Variants in TARBP1 observed in about 807,000 individuals in gnomAD.
TARBP1 encodes tRNA guanosine 2 -O-methyltransferase TARBP1.
In TARBP1, 144 loss-of-function variants were observed where a neutral mutation model predicts 178.6. The ratio of observed to expected loss-of-function variants is 0.81; its 90% confidence interval spans 0.70 to 0.93. The LOEUF is 0.93. TARBP1 is among the 40% of genes least tolerant of loss of function. The probability of loss-of-function intolerance (pLI) is 0.00; values close to 1 mark genes in which losing one functional copy is unlikely to be tolerated. For missense variants in TARBP1, 2,067 were observed against 2,011.7 expected (o/e 1.03, Z -0.53); for synonymous variants, 787 against 781.0 (o/e 1.01, Z -0.13).
intron 13 of TARBP1, among the ~76,000 whole-genome samples, chr1:234,434,929 AG>A (rs1558203140): frequency 6.6e-6 from 1 of 152,314 alleles, no homozygotes; most frequent in African/African-American, 2.4e-5. Context: ...CAGTGTTTCA[AG>A]GGGGAGGTGG....
At chr1:234,449,577 C>T (rs528459129) in intron 10 of TARBP1, among the ~76,000 whole-genome samples, 1 of 152,214 alleles carries the variant, frequency 6.6e-6, no homozygotes, top group East Asian at 1.9e-4. Flanking sequence ...TCCAATGTAA[C>T]AGCATAAGAC....
chr1:234,416,720 C>A (rs1662463149), intron 22 of TARBP1, among the ~76,000 whole-genome samples: 1 of 152,134 alleles, frequency 6.6e-6, no homozygotes, highest in Admixed American at 6.5e-5. Context: ...CTTATGGTGA[C>A]ACCCAGGTTT....
chr1:234,398,347 C>T (rs1476602376), intron 26 of TARBP1, 35 bp downstream of exon 26: 2 of 1,536,086 alleles, frequency 1.3e-6, no homozygotes, highest in Non-Finnish European at 1.8e-6. Flanking sequence ...ACCAGATCAA[C>T]AAGGGGAAAA....
At chr1:234,417,253 T>C (rs931434535) in intron 22 of TARBP1, among the ~76,000 whole-genome samples, 4 of 152,072 alleles carry the variant, frequency 2.6e-5, no homozygotes, top group African/African-American at 9.7e-5. Flanking sequence ...CACTGGATGA[T>C]AGCTGGGTGG....
rs747663836 is a variant in TARBP1, at chr1:234,393,648, C to T, written c.4433G>A (p.Gly1478Glu). 6.2e-7 allele frequency: 1 copy of T among 1,603,808 alleles called. No homozygotes were observed. The highest frequency in any genetic ancestry group is 8.5e-7 in the Non-Finnish European group (1 of 1,172,442). ...ASLIDKPTNL[G>E]GLCRTCEVFG... Reference sequence around the variant, plus strand: ...CTCCCAGAAAACTCCAACTTTACCTCCTAAATTGGTCGGTTTGTCGATGAG... The same window carrying T: ...CTCCCAGAAAACTCCAACTTTACCTTCTAAATTGGTCGGTTTGTCGATGAG... The change falls in exon 27 of 30, where the codon GGA becomes GAA. Residue 1478 changes from glycine (G) to glutamate (E), a missense_variant and splice_region_variant. Coordinates refer to ENST00000040877, the MANE Select transcript of TARBP1 (RefSeq NM_005646.4).
chr1:234,459,197 C>T (rs1667593035), intron 8 of TARBP1, 33 bp downstream of exon 8: 1 of 1,556,224 alleles, frequency 6.4e-7, no homozygotes. Flanking sequence ...CTAAGAAAGA[C>T]TTGTAAATGG....
At chr1:234,472,434 A>C (rs193055285) in intron 2 of TARBP1, among the ~76,000 whole-genome samples, 7 of 151,980 alleles carry the variant, frequency 4.6e-5, no homozygotes, top group Non-Finnish European at 8.8e-5. Context: ...TATACTTTAT[A>C]ATAAGCCATT....
chr1:234,478,566 C>T lies in TARBP1; in HGVS notation c.538G>A (p.Glu180Lys), dbSNP rs1455856630. 4 of 1,296,710 alleles carry T rather than the reference C, an allele frequency of 3.1e-6. No homozygotes were observed. The highest frequency in any genetic ancestry group is 3.9e-6 in the Non-Finnish European group (4 of 1,024,544). 80.3% of individuals were successfully genotyped at this position (1,296,710 alleles called of 1,614,324 possible). The change falls in exon 1 of 30, where the codon GAG becomes AAG. Residue 180 changes from glutamate to lysine, a missense_variant. By Grantham distance (56) the Glu-to-Lys change is moderately conservative. Transcript: ENST00000040877. ...GCCGCGTCCTCGGCAGGCCCGGCCT[C>T]ATCCCCGTCCCCGCCCCCGCCCAGC... ...LALGGGGDGD[E>K]AGPAEDAAAL...
intron 20 of TARBP1, among the ~76,000 whole-genome samples, chr1:234,423,556 C>A (rs1355183494): frequency 8.5e-5 from 13 of 152,126 alleles, no homozygotes; most frequent in African/African-American, 2.9e-4. Context: ...CACCATGAAA[C>A]GCCTTTGTCG....
intron 19 of TARBP1, among the ~76,000 whole-genome samples, chr1:234,426,478 ATAAC>A (rs1360652395): frequency 5.3e-5 from 8 of 152,230 alleles, no homozygotes; most frequent in Admixed American, 3.9e-4. Context: ...CCAAGAAAAA[ATAAC>A]TAAAAACAAT....
At chr1:234,424,695 G>A (rs1176431287) in intron 20 of TARBP1, among the ~76,000 whole-genome samples, 2 of 152,150 alleles carry the variant, frequency 1.3e-5, no homozygotes. Flanking sequence ...GGAGGCCAAG[G>A]CAAGAGGATC....
At chr1:234,427,465 A>T in intron 18 of TARBP1, 77 bp from the exon 19 acceptor site, 1 of 1,451,206 alleles carries the variant, frequency 6.9e-7, no homozygotes, top group Non-Finnish European at 9.3e-7. Context: ...GTTAAAGTTA[A>T]CTAATAATTT....
intron 5 of TARBP1, 74 bp from the exon 6 acceptor site, chr1:234,464,008 G>A (rs1324470375): frequency 1.4e-5 from 12 of 847,658 alleles, no homozygotes; most frequent in East Asian, 3.2e-5. Context: ...TAGCCTAAAT[G>A]GACCATGGCC....
intron 11 of TARBP1, among the ~76,000 whole-genome samples, 178 bp downstream of exon 11, chr1:234,448,302 C>T (rs1418051033): frequency 2.6e-5 from 4 of 152,154 alleles, no homozygotes; most frequent in Admixed American, 6.5e-5. Context: ...CACTAATATG[C>T]CCCTATTCCT....
intron 3 of TARBP1, among the ~76,000 whole-genome samples, chr1:234,469,064 T>C (rs1411201141): frequency 7.1e-5 from 1 of 14,038 alleles, no homozygotes; most frequent in South Asian, 5.1e-3. Flanking sequence ...TTTTGCCTTT[T>C]TTTTTTTTTT....
chr1:234,450,485 A>G lies in TARBP1; in HGVS notation c.1804T>C (p.Leu602=). Residue 602 remains leucine (L), a synonymous_variant, in exon 10 of 30, where the codon TTA becomes CTA. Transcript: ENST00000040877. ...CSSIGLHKTS[L]NAYVKSIVQE... ...ACAATGCTCTTTACATAAGCATTTA[A>G]AGATGTCTTGTGAAGTCCAATGGAG... 1 of 1,611,420 alleles carries G rather than the reference A, an allele frequency of 6.2e-7. No individual in the cohort carries two copies. Among genetic ancestry groups the G allele is most frequent in the Non-Finnish European group, 8.5e-7 (1 of 1,179,106 alleles).
At chr1:234,434,939 G>A (rs6682410) in intron 13 of TARBP1, among the ~76,000 whole-genome samples, 23,034 of 152,006 alleles carry the variant, frequency 0.15, 1,983 homozygotes, top group Middle Eastern at 0.19. Context: ...AGGGGGAGGT[G>A]GTCACCAGTG....
chr1:234,450,695 C>T (rs1666658882), intron 9 of TARBP1, 129 bp from the exon 10 acceptor site: 2 of 1,033,780 alleles, frequency 1.9e-6, no homozygotes, highest in Admixed American at 6.4e-5. Flanking sequence ...AAGTAATAAA[C>T]CATTTACTAT....
chr1:234,461,249 T>G (rs1667826349), intron 6 of TARBP1, among the ~76,000 whole-genome samples: 1 of 152,264 alleles, frequency 6.6e-6, no homozygotes, highest in African/African-American at 2.4e-5. Flanking sequence ...AGTATTCTAC[T>G]GTACTATAGG....
Sources: gnomAD v4.1 joint callset for allele counts (sites outside exome capture counted in the v4.1 genomes callset) on GRCh38, gnomAD v4.1.1 for gene constraint, MANE v1.5 for transcripts, NCBI Gene and HGNC (gene_info 2026-07-23, HGNC 2026-07-21) for gene names.